The following TMEM41A variants were observed in gnomAD, a reference collection of about 807,000 sequenced individuals.
The protein encoded by TMEM41A is transmembrane protein 41A.
TMEM41A carries 20 observed loss-of-function variants against 25.7 expected under a neutral mutation model. That is an observed-to-expected ratio of 0.78 (90% CI 0.55 to 1.13). The LOEUF (loss-of-function observed/expected upper bound fraction) is 1.13. TMEM41A is among the 50% of genes most tolerant of loss of function. The pLI, the probability that TMEM41A is intolerant of heterozygous loss-of-function variation, is 0.00. For synonymous variants in TMEM41A, 133 were observed against 139.6 expected, an observed-to-expected ratio of 0.95 and a Z score of 0.33; for missense variants, 299 against 314.3, an observed-to-expected ratio of 0.95 and a Z score of 0.37.
Position 185,491,450 on chromosome 3 carries a change from T to G in TMEM41A, c.*87A>C, listed in dbSNP as rs1221858239. ...TGTCCACATCACCTATAGAAGGCAA[T>G]CAAAAACAATGAGGGGCTTTAGAGG... On this transcript the variant is annotated 3_prime_UTR_variant, in exon 5 of 5. Coordinates refer to ENST00000421852, the MANE Select transcript of TMEM41A (RefSeq NM_080652.4). The G allele has an allele frequency of 2.8e-6, 3 of 1,072,010 alleles. No individual in the cohort carries two copies. The highest frequency in any genetic ancestry group is 4.2e-6 in the Non-Finnish European group (3 of 719,900). 66.4% of individuals were successfully genotyped at this position (1,072,010 alleles called of 1,614,324 possible).
intron 4 of TMEM41A, 30 bp from the exon 5 acceptor site, chr3:185,491,787 T>C (rs1199951519): frequency 3.9e-6 from 6 of 1,521,670 alleles, no homozygotes; most frequent in Non-Finnish European, 5.4e-6. Flanking sequence ...AAGCACCTGT[T>C]ACAAGCAGCA....
intron 1 of TMEM41A, 98 bp downstream of exon 1, chr3:185,498,745 C>T: frequency 1.1e-6 from 1 of 916,366 alleles, no homozygotes; most frequent in Non-Finnish European, 1.6e-6. Flanking sequence ...CCAACGCCTC[C>T]GATACCGGAA....
At chr3:185,497,701 T>C (rs1377232334) in intron 1 of TMEM41A, among the ~76,000 whole-genome samples, 2 of 152,164 alleles carry the variant, frequency 1.3e-5, no homozygotes, top group African/African-American at 4.8e-5. Context: ...CCATCACTGA[T>C]TAATCATGAG....
Position 185,491,582 on chromosome 3 carries a change from A to C in TMEM41A, c.750T>G (p.Asn250Lys). 6.2e-7 allele frequency: 1 copy of C among 1,614,200 alleles called. No individual in the cohort carries two copies. Among genetic ancestry groups the C allele is most frequent in the Non-Finnish European group, 8.5e-7 (1 of 1,180,028 alleles). Residue 250 changes from asparagine (N) to lysine (K), a missense_variant, in exon 5 of 5, where the codon AAT becomes AAG. Transcript: ENST00000421852. ...GTATATGATTAGCAGTACTTGTTTC[A>C]TTCAATTGCAGATGTTTCTGACTAA... ...KKFSQKHLQL[N>K]ETSTANHIHS...
In TMEM41A at chr3:185,490,412, T is replaced by C. The variant is rs1718910921; in HGVS notation, c.*1125A>G. 1 of 152,182 alleles carries C rather than the reference T, an allele frequency of 6.6e-6. No individual in the cohort carries two copies. Among genetic ancestry groups the C allele is most frequent in the Non-Finnish European group, 1.5e-5 (1 of 68,060 alleles). The allele number at this position is 152,182 out of a possible 1,614,324, so 9.4% of individuals were successfully genotyped here. A position where few individuals can be genotyped will look rare whatever the true frequency, so the allele number is the denominator to read the frequency against. ...AACGGATTCCTGCAGAAAGGACAGA[T>C]AAAATGTTTGCCTGGTCATGATTCA... On this transcript the variant is annotated 3_prime_UTR_variant, in exon 5 of 5. Coordinates refer to ENST00000421852, the MANE Select transcript of TMEM41A (RefSeq NM_080652.4).
rs1237244940 is a variant in TMEM41A, at chr3:185,495,539, C to G, written c.274-224G>C. The stretch of plus-strand genomic sequence containing the variant: ...CACTGCATCCTCGAACTCCTGGACT[C>G]AAGCGATCCTCCTGCCTCAGCCTCC... On this transcript the variant is annotated intron_variant, in intron 2 of 4. Coordinates refer to ENST00000421852, the MANE Select transcript of TMEM41A (RefSeq NM_080652.4). 8.9e-6 allele frequency: 5 copies of G among 560,750 alleles called. No individual in the cohort carries two copies. The African/African-American group carries it at 9.4e-5, about 11-fold the overall frequency. The allele number at this position is 560,750 out of a possible 1,614,324, so 34.7% of individuals were successfully genotyped here. A position where few individuals can be genotyped will look rare whatever the true frequency, so the allele number is the denominator to read the frequency against.
chr3:185,496,713 G>A (rs781494008), intron 2 of TMEM41A, 115 bp downstream of exon 2: 13 of 1,356,264 alleles, frequency 9.6e-6, no homozygotes, highest in African/African-American at 5.8e-5. Flanking sequence ...TGCCAGCCCC[G>A]ATACACCCAC....
At chr3:185,493,185 G>A (rs2148938720) in intron 4 of TMEM41A, 1 of 152,328 alleles carries the variant, frequency 6.6e-6, no homozygotes, top group Admixed American at 6.5e-5. Flanking sequence ...TTTATAGGAT[G>A]TTAGCACTTT....
In TMEM41A at chr3:185,496,926, G is replaced by T; in HGVS notation, c.175C>A (p.Arg59=). ...AELRELSEVL[R]EYRKEHQAYV... ...GCCTGGTGCTCCTTCCGGTACTCTC[G>T]AAGGACCTCAGAGAGCTCCCGCAGC... Residue 59 remains arginine, a synonymous_variant, in exon 2 of 5, where the codon CGA becomes AGA. Transcript: ENST00000421852. 6.2e-7 allele frequency: 1 copy of T among 1,602,770 alleles called. No individual in the cohort carries two copies. The highest frequency in any genetic ancestry group is 8.5e-7 in the Non-Finnish European group (1 of 1,175,970).
chr3:185,495,318 G>C lies in TMEM41A; in HGVS notation c.274-3C>G. 6.2e-7 allele frequency: 1 copy of C among 1,613,048 alleles called. No homozygotes were observed. The highest frequency in any genetic ancestry group is 8.5e-7 in the Non-Finnish European group (1 of 1,179,738). ...AACAAGGCACCAGCTAAAACATTCTGCAAATAAAACAAACCCTCAGGCATG... is the reference window on the plus strand; with the variant it reads ...AACAAGGCACCAGCTAAAACATTCTCCAAATAAAACAAACCCTCAGGCATG... On this transcript the variant is annotated splice_polypyrimidine_tract_variant and splice_region_variant and intron_variant, in intron 2 of 4. Transcript: ENST00000421852.
In TMEM41A at chr3:185,491,548, T is replaced by G; in HGVS notation, c.784A>C (p.Lys262Gln). The change falls in exon 5 of 5, where the codon AAA becomes CAA. Residue 262 changes from lysine (K) to glutamine (Q), a missense_variant. Lys to Gln is a moderately conservative substitution (Grantham distance 53). Transcript: ENST00000421852. ...TSTANHIHSRKDT is the reference protein window; with the variant it reads ...TSTANHIHSRQDT ...ACAGAAAATCCAGATCATGTGTCTT[T>G]TCTACTGTGTATATGATTAGCAGTA... 6.2e-7 allele frequency: 1 copy of G among 1,613,904 alleles called. No individual in the cohort carries two copies. The highest frequency in any genetic ancestry group is 1.1e-5 in the South Asian group (1 of 91,046).
chr3:185,496,885 G>A lies in TMEM41A; in HGVS notation c.216C>T (p.Leu72=). The part of the protein sequence containing the change: ...RKEHQAYVFL[L]FCGAYLYKQG... ...GTTTGTAGAGGTAGGCGCCGCAGAA[G>A]AGCAGGAACACGTAGGCCTGGTGCT... Residue 72 remains leucine, a synonymous_variant, in exon 2 of 5, where the codon CTC becomes CTT. Coordinates refer to ENST00000421852, the MANE Select transcript of TMEM41A (RefSeq NM_080652.4). 3 of 1,607,096 alleles carry A rather than the reference G, an allele frequency of 1.9e-6. No homozygotes were observed. Among genetic ancestry groups the A allele is most frequent in the South Asian group, 1.1e-5 (1 of 89,030 alleles).
At chr3:185,494,190 G>A (rs1185793136) in intron 4 of TMEM41A, 3 of 155,062 alleles carry the variant, frequency 1.9e-5, no homozygotes, top group African/African-American at 7.2e-5. Flanking sequence ...TCCTAAGGCA[G>A]AACTTAATCA....
rs753758583 is a variant in TMEM41A, at chr3:185,495,247, C to A, written c.342G>T (p.Val114=). 9.3e-6 allele frequency: 15 copies of A among 1,613,792 alleles called. 1 individual carries two copies. Among genetic ancestry groups the A allele is most frequent in the African/African-American group, 1.3e-5 (1 of 74,866 alleles). The change falls in exon 3 of 5, where the codon GTG becomes GTT. Residue 114 remains valine (V), a synonymous_variant. Transcript: ENST00000421852. The part of the protein sequence containing the change: ...GLLLCCVLTS[V]GATCCYLLSS... ...AGAGCAGGTAGCAGCATGTGGCACC[C>A]ACCGAGGTCAACACACAGCACAGCA...
intron 4 of TMEM41A, among the ~76,000 whole-genome samples, chr3:185,491,986 C>G (rs1236161164): frequency 6.6e-6 from 1 of 152,020 alleles, no homozygotes; most frequent in African/African-American, 2.4e-5. Context: ...GATATTTACA[C>G]AAATAATACA....
At chr3:185,493,061 G>T (rs749511882) in intron 4 of TMEM41A, 1 of 152,208 alleles carries the variant, frequency 6.6e-6, no homozygotes, top group Non-Finnish European at 1.5e-5. Flanking sequence ...TGACCTAGAA[G>T]CCCTGAATCG....
Position 185,495,190 on chromosome 3 carries a change from G to T in TMEM41A, c.399C>A (p.Ser133=), listed in dbSNP as rs765810528. The T allele has an allele frequency of 1.2e-6, 2 of 1,613,840 alleles. No homozygotes were observed. The highest frequency in any genetic ancestry group is 2.2e-5 in the South Asian group (2 of 91,064). Residue 133 remains serine (S), a synonymous_variant, in exon 3 of 5, where the codon TCC becomes TCA. Coordinates refer to ENST00000421852, the MANE Select transcript of TMEM41A (RefSeq NM_080652.4). ...GCAGGGCCACTTTATCAGGAAAGTA[G>T]GACACCACCAACTGTTTGCCAAAAA... ...SSIFGKQLVV[S]YFPDKVALLQ...
chr3:185,497,231 G>A (rs1487122925), intron 1 of TMEM41A, among the ~76,000 whole-genome samples: 2 of 152,204 alleles, frequency 1.3e-5, no homozygotes, highest in East Asian at 3.8e-4. Flanking sequence ...TTACGTCCTT[G>A]GACTAGTCCC....
chr3:185,498,827 G>T lies in TMEM41A; in HGVS notation c.119+16C>A. ...GCTCCCTTCCTCTGACCCGAACCCG[G>T]ATTCCCGCCACGCACCTGCCTCCAG... On this transcript the variant is annotated intron_variant, in intron 1 of 4. Coordinates refer to ENST00000421852, the MANE Select transcript of TMEM41A (RefSeq NM_080652.4). The T allele has an allele frequency of 6.4e-7, 1 of 1,568,330 alleles. No homozygotes were observed. Among genetic ancestry groups the T allele is most frequent in the Non-Finnish European group, 8.6e-7 (1 of 1,159,756 alleles).
Sources: allele counts gnomAD v4.1 joint callset (sites outside exome capture counted in the v4.1 genomes callset), GRCh38; gene constraint gnomAD v4.1.1; transcripts MANE v1.5; gene names NCBI Gene and HGNC (gene_info 2026-07-23, HGNC 2026-07-21).